Variants in DTNB observed in about 807,000 individuals in gnomAD.
DTNB encodes the protein DTN-B.
In DTNB, 63 loss-of-function variants were observed where a neutral mutation model predicts 90.7. The observed-to-expected ratio is 0.69, with a 90% CI of 0.57 to 0.86. DTNB has a LOEUF of 0.86. Ranked by LOEUF, DTNB falls within the 40% of genes least tolerant of loss-of-function variation. The pLI is 0.00. For missense variants in DTNB, 744 were observed against 807.1 expected, an observed-to-expected ratio of 0.92 and a Z score of 0.95; for synonymous variants, 277 against 286.7, an observed-to-expected ratio of 0.97 and a Z score of 0.34.
chr2:25,655,521 A>G (rs557779903), intron 1 of DTNB, among the ~76,000 whole-genome samples: 22 of 152,206 alleles, frequency 1.4e-4, no homozygotes, highest in Non-Finnish European at 2.8e-4. Flanking sequence ...GTGGTCAAGT[A>G]TAAGACTGGC....
chr2:25,498,847 CAAAAAAAA>C (rs34017287), intron 9 of DTNB, among the ~76,000 whole-genome samples: 3 of 65,026 alleles, frequency 4.6e-5, no homozygotes, highest in African/African-American at 1.8e-4. Flanking sequence ...AACCCTGTCT[CAAAAAAAA>C]AAAAAAAAAA....
chr2:25,392,464 T>C (rs1490477020), intron 16 of DTNB, among the ~76,000 whole-genome samples: 1 of 152,154 alleles, frequency 6.6e-6, no homozygotes, highest in Non-Finnish European at 1.5e-5. Context: ...AAAAGCTGGT[T>C]CTTTCAAAAG....
At chr2:25,526,875 A>G (rs921381328) in intron 9 of DTNB, among the ~76,000 whole-genome samples, 3 of 152,202 alleles carry the variant, frequency 2.0e-5, no homozygotes, top group African/African-American at 7.2e-5. Context: ...AAAATGGTGG[A>G]AAAAGTCCAC....
chr2:25,625,789 A>T (rs1350585961), intron 4 of DTNB, among the ~76,000 whole-genome samples: 2 of 151,956 alleles, frequency 1.3e-5, no homozygotes, highest in Non-Finnish European at 2.9e-5. Flanking sequence ...TATAACCTGA[A>T]TGCCTGTGTT....
chr2:25,533,748 C>T (rs1303181087), intron 8 of DTNB, among the ~76,000 whole-genome samples: 55 of 152,130 alleles, frequency 3.6e-4, no homozygotes, highest in Admixed American at 3.6e-3. Context: ...TCTCCCTTTC[C>T]CAATCTATCT....
chr2:25,637,393 AAAG>A (rs1302010424), intron 3 of DTNB, among the ~76,000 whole-genome samples: 3 of 152,242 alleles, frequency 2.0e-5, no homozygotes, highest in Non-Finnish European at 4.4e-5. Context: ...CTGCACAGCA[AAAG>A]AAGCTACCAT....
At chr2:25,598,600 CCTT>C (rs1361487479) in intron 5 of DTNB, among the ~76,000 whole-genome samples, 1 of 152,158 alleles carries the variant, frequency 6.6e-6, no homozygotes, top group Non-Finnish European at 1.5e-5. Context: ...ACACCACACT[CCTT>C]CAAAATATAA....
intron 9 of DTNB, among the ~76,000 whole-genome samples, chr2:25,527,453 G>A (rs1354471670): frequency 6.6e-6 from 1 of 152,044 alleles, no homozygotes; most frequent in African/African-American, 2.4e-5. Context: ...AACCCGGGAG[G>A]GGGAGGTTGC....
At chr2:25,417,008 G>C (rs2048161689) in intron 16 of DTNB, among the ~76,000 whole-genome samples, 1 of 152,178 alleles carries the variant, frequency 6.6e-6, no homozygotes, top group Non-Finnish European at 1.5e-5. Flanking sequence ...AAGTCATTCA[G>C]TCCAAATTTG....
intron 12 of DTNB, among the ~76,000 whole-genome samples, chr2:25,448,471 T>C (rs1196926318): frequency 1.3e-5 from 2 of 152,222 alleles, no homozygotes; most frequent in African/African-American, 4.8e-5. Context: ...ACACTGCAAA[T>C]CCCTGGGGAG....
Position 25,482,849 on chromosome 2 carries a change from C to T in DTNB, c.1026G>A (p.Met342Ile), listed in dbSNP as rs2065250707. ...HIVPPRPLTN[M>I]NDTMVSHMSS... ...ACATGTGGCTAACCATGGTGTCATT[C>T]ATATTAGTCAGAGGGCGAGGAGGAC... Residue 342 changes from methionine (M) to isoleucine (I), a missense_variant, in exon 10 of 21, where the codon ATG becomes ATA. Transcript: ENST00000406818. The T allele has an allele frequency of 6.2e-7, 1 of 1,606,918 alleles. No individual in the cohort carries two copies. Among genetic ancestry groups the T allele is most frequent in the Non-Finnish European group, 8.5e-7 (1 of 1,176,516 alleles).
At chr2:25,593,022 A>G (rs2063844379) in intron 6 of DTNB, among the ~76,000 whole-genome samples, 2 of 152,178 alleles carry the variant, frequency 1.3e-5, no homozygotes, top group African/African-American at 4.8e-5. Context: ...AATTCTGTCC[A>G]TCGATCATGT....
At chr2:25,458,526 TG>T (rs1420213671) in intron 10 of DTNB, among the ~76,000 whole-genome samples, 1 of 152,102 alleles carries the variant, frequency 6.6e-6, no homozygotes, top group Non-Finnish European at 1.5e-5. Flanking sequence ...TGGAGTGCCA[TG>T]GTGCAATCAT....
intron 8 of DTNB, among the ~76,000 whole-genome samples, chr2:25,535,605 C>T (rs367563632): frequency 3.8e-5 from 5 of 132,252 alleles, no homozygotes; most frequent in South Asian, 2.5e-4. Context: ...ACTTCCTAGA[C>T]GGGGTGGCAG....
chr2:25,464,151 T>C (rs964879987), intron 10 of DTNB, among the ~76,000 whole-genome samples: 2 of 152,224 alleles, frequency 1.3e-5, no homozygotes, highest in Admixed American at 6.5e-5. Flanking sequence ...TCAGGTGATC[T>C]GCCCGCCTTG....
chr2:25,646,263 G>C (rs1347450941), intron 2 of DTNB, among the ~76,000 whole-genome samples: 2 of 151,948 alleles, frequency 1.3e-5, no homozygotes, highest in African/African-American at 2.4e-5. Flanking sequence ...ATCACCTGAG[G>C]TCAGGAGTTT....
chr2:25,578,914 CATTAAA>C (rs1238410730), intron 7 of DTNB, among the ~76,000 whole-genome samples: 2 of 151,750 alleles, frequency 1.3e-5, no homozygotes, highest in Admixed American at 1.3e-4. Flanking sequence ...TGTTTCTCAC[CATTAAA>C]ATTAAGACAT....
chr2:25,656,932 G>C (rs946709042), intron 1 of DTNB, among the ~76,000 whole-genome samples: 8 of 152,232 alleles, frequency 5.3e-5, no homozygotes, highest in African/African-American at 1.9e-4. Context: ...CCAGCACGTT[G>C]GGAGGCCGAG....
rs903926745 is a variant in DTNB, at chr2:25,576,835, T to C, written c.876+3A>G. ...GGACACAGATGAAACACAAAGCAGT[T>C]ACCCAAGAGGAATGCTCCTTCATCT... On this transcript the variant is annotated splice_donor_region_variant and intron_variant, in intron 8 of 20. Transcript: ENST00000406818. 3 of 1,610,004 alleles carry C rather than the reference T, an allele frequency of 1.9e-6. No homozygotes were observed. The highest frequency in any genetic ancestry group is 4.5e-5 in the East Asian group (2 of 44,800).
Sources: allele counts gnomAD v4.1 joint callset (sites outside exome capture counted in the v4.1 genomes callset), GRCh38; gene constraint gnomAD v4.1.1; transcripts MANE v1.5; gene names NCBI Gene and HGNC (gene_info 2026-07-23, HGNC 2026-07-21).